The following RAP1GAP2 variants were observed in gnomAD, a reference collection of about 807,000 sequenced individuals.
RAP1GAP2 encodes the protein rap1 GTPase-activating protein 2.
Under a neutral mutation model 95.0 loss-of-function variants are expected in RAP1GAP2, and 27 were observed. The observed-to-expected ratio is 0.28, with a 90% CI of 0.21 to 0.39. The LOEUF is 0.39. Among genes scored for constraint, RAP1GAP2 ranks in the 10% least tolerant of loss-of-function variants. RAP1GAP2 has a pLI of 1.00. For missense variants in RAP1GAP2, 771 were observed against 970.0 expected (o/e 0.79, Z 2.72); for synonymous variants, 373 against 380.9 (o/e 0.98, Z 0.24).
rs1016715814 is a variant in RAP1GAP2, at chr17:2,784,147, T to G, written c.-14+6869T>G. 4.6e-5 allele frequency among the ~76,000 whole-genome samples: 7 copies of G among 152,006 alleles called. 1 individual carries two copies. Among genetic ancestry groups the G allele is most frequent in the Admixed American group, 4.6e-4 (7 of 15,244 alleles). On this transcript the variant is annotated intron_variant, in intron 1 of 24. Transcript: ENST00000540393. ...GCCACCACGCCAGGCTAATTTTTTG[T>G]ATTTTTAGTAGAGACGAGGGTTTCA...
chr17:2,775,557 A>T (rs2068480935), upstream of RAP1GAP2, among the ~76,000 whole-genome samples: 1 of 152,210 alleles, frequency 6.6e-6, no homozygotes, highest in African/African-American at 2.4e-5. Flanking sequence ...AGGCTGTTCT[A>T]GAAGCAGAAG....
chr17:2,882,533 A>C (rs8073262), intron 2 of RAP1GAP2, among the ~76,000 whole-genome samples: 2 of 134,360 alleles, frequency 1.5e-5, no homozygotes, highest in Non-Finnish European at 3.3e-5. Flanking sequence ...GTCATGATCC[A>C]CCCACCCTGG....
chr17:2,759,442 A>T (rs535161467), intron 1 of RAP1GAP2, among the ~76,000 whole-genome samples: 1 of 151,802 alleles, frequency 6.6e-6, no homozygotes, highest in African/African-American at 2.4e-5. Flanking sequence ...CACCACGCCC[A>T]GCTAATTTTT....
upstream of RAP1GAP2, among the ~76,000 whole-genome samples, chr17:2,792,637 C>T (rs114747449): frequency 1.4e-3 from 219 of 152,338 alleles, no homozygotes; most frequent in African/African-American, 5.1e-3. Flanking sequence ...TGGATCCCAG[C>T]GGCATCGAAG....
intron 2 of RAP1GAP2, among the ~76,000 whole-genome samples, chr17:2,860,473 C>T (rs894045533): frequency 6.6e-6 from 1 of 151,828 alleles, no homozygotes; most frequent in African/African-American, 2.4e-5. Flanking sequence ...GGTCTCCTGG[C>T]TTCTAGTCTC....
intron 3 of RAP1GAP2, among the ~76,000 whole-genome samples, chr17:2,912,688 G>C (rs1361816885): frequency 6.6e-6 from 1 of 152,116 alleles, no homozygotes; most frequent in Non-Finnish European, 1.5e-5. Flanking sequence ...GTCACCTCTG[G>C]TCTCCACATC....
At chr17:2,981,358 C>T (rs1447516976) in intron 10 of RAP1GAP2, 110 bp downstream of exon 10, 2 of 985,040 alleles carry the variant, frequency 2.0e-6, no homozygotes, top group African/African-American at 3.3e-5. Flanking sequence ...CGTGGGGTCT[C>T]CATAATAAGC....
At chr17:2,847,620 C>T (rs2071644698) in intron 2 of RAP1GAP2, among the ~76,000 whole-genome samples, 1 of 152,170 alleles carries the variant, frequency 6.6e-6, no homozygotes, top group African/African-American at 2.4e-5. Context: ...TGTTGCTAAG[C>T]AATGTTGCTA....
chr17:2,908,092 A>G (rs530727271), intron 3 of RAP1GAP2, among the ~76,000 whole-genome samples: 7 of 152,258 alleles, frequency 4.6e-5, no homozygotes, highest in Non-Finnish European at 8.8e-5. Context: ...GTCGTGAGCC[A>G]CCACGCCTGG....
intron 16 of RAP1GAP2, 77 bp downstream of exon 16, chr17:3,006,118 ATCT>A: frequency 4.3e-5 from 31 of 720,018 alleles, no homozygotes; most frequent in Non-Finnish European, 5.2e-5. Flanking sequence ...GGGCTCCTCC[ATCT>A]TTTTTTTTTT....
chr17:3,032,999 A>G (rs1302532338), intron 24 of RAP1GAP2: 1 of 160,522 alleles, frequency 6.2e-6, no homozygotes, highest in Non-Finnish European at 1.4e-5. Flanking sequence ...GGAAGTCACC[A>G]GAGACCCATC....
At chr17:2,814,682 T>A (rs2151505446) in intron 2 of RAP1GAP2, among the ~76,000 whole-genome samples, 1 of 152,120 alleles carries the variant, frequency 6.6e-6, no homozygotes, top group Non-Finnish European at 1.5e-5. Context: ...GGCTGTCCCC[T>A]CCCTACCTTG....
chr17:2,796,458 GCCC>G lies in RAP1GAP2; in HGVS notation c.-69_-67del. The G allele has an allele frequency of 1.3e-6, 2 of 1,521,670 alleles. No individual in the cohort carries two copies. The highest frequency in any genetic ancestry group is 1.8e-6 in the Non-Finnish European group (2 of 1,121,136). 94.3% of individuals were successfully genotyped at this position (1,521,670 alleles called of 1,614,324 possible). A position where few individuals can be genotyped will look rare whatever the true frequency, so the allele number is the denominator to read the frequency against. ...CCGGCACTGACCCCGCTGTACCACGGCCCTCTTGCGGACAGCCCCGGGGACGTC... is the reference window on the plus strand; with the variant it reads ...CCGGCACTGACCCCGCTGTACCACGGTCTTGCGGACAGCCCCGGGGACGTC... On this transcript the variant is annotated 5_prime_UTR_variant, in exon 1 of 25. Transcript: ENST00000254695. The surrounding 1 kb of genome is among the most constrained non-coding windows in gnomAD (Gnocchi z 4.7).
At chr17:2,853,668 C>T (rs1597443249) in intron 2 of RAP1GAP2, among the ~76,000 whole-genome samples, 1 of 145,584 alleles carries the variant, frequency 6.9e-6, no homozygotes, top group South Asian at 2.2e-4. Context: ...GAGGCGGGGC[C>T]GGGGCGGGTC....
At chr17:2,938,475 C>G (rs1282476443) in intron 3 of RAP1GAP2, among the ~76,000 whole-genome samples, 1 of 152,092 alleles carries the variant, frequency 6.6e-6, no homozygotes, top group African/African-American at 2.4e-5. Context: ...CTGTGAGACC[C>G]AGGGGATCCC....
rs12600734 is a variant in RAP1GAP2 at position 3,036,659 on chromosome 17, G to T, written c.*3298G>T. 9,742 of 152,266 alleles carry T rather than the reference G, an allele frequency of 0.064. 890 individuals carry two copies. Among genetic ancestry groups the T allele is most frequent in the African/African-American group, 0.2 (8,218 of 41,500 alleles). The allele number at this position is 152,266 out of a possible 1,614,324, so 9.4% of individuals were successfully genotyped here. On this transcript the variant is annotated 3_prime_UTR_variant, in exon 25 of 25. Transcript: ENST00000254695. Reference sequence around the variant, plus strand: ...TCCTGATGGGGGCTGTGTAATGGGGGCAGAGGCCAGGGAAAAAGATGCTGT... The same window carrying T: ...TCCTGATGGGGGCTGTGTAATGGGGTCAGAGGCCAGGGAAAAAGATGCTGT...
intron 2 of RAP1GAP2, among the ~76,000 whole-genome samples, chr17:2,829,019 G>C (rs138852039): frequency 8.4e-6 from 1 of 119,608 alleles, no homozygotes; most frequent in Non-Finnish European, 1.6e-5. Flanking sequence ...ACCTCGCTCT[G>C]TCGCCCAGGC....
chr17:2,778,189 G>A (rs1377955177), intron 1 of RAP1GAP2, among the ~76,000 whole-genome samples: 1 of 151,758 alleles, frequency 6.6e-6, no homozygotes, highest in Non-Finnish European at 1.5e-5. Context: ...GGGTGGGGTG[G>A]GGTGGGCATC....
At chr17:2,796,413 G>A (rs2069083280), upstream of RAP1GAP2, 2 of 1,208,702 alleles carry the variant, frequency 1.7e-6, no homozygotes, top group Admixed American at 2.1e-5. The surrounding 1 kb of genome is among the most constrained non-coding windows in gnomAD (Gnocchi z 4.7). Context: ...GAGGTGCCAC[G>A]CTGGGCTCCC....
Sources: gnomAD v4.1 joint callset for allele counts (sites outside exome capture counted in the v4.1 genomes callset) on GRCh38, gnomAD v4.1.1 for gene constraint, Gnocchi (gnomAD v3.1) non-coding constraint, MANE v1.5 for transcripts, NCBI Gene and HGNC (gene_info 2026-07-23, HGNC 2026-07-21) for gene names.